Variants in FBXW5 observed in about 807,000 individuals in gnomAD.
FBXW5 encodes the protein F-box and WD repeat domain containing 5.
In FBXW5, 74 loss-of-function variants were observed where a neutral mutation model predicts 50.9. That is an observed-to-expected ratio of 1.45 (90% CI 1.20 to 1.76). The LOEUF is 1.76. FBXW5 is among the 40% of genes most tolerant of loss of function. FBXW5 has a pLI of 0.00. For missense variants in FBXW5, 1,073 were observed against 818.8 expected, an observed-to-expected ratio of 1.31 and a Z score of -3.79; for synonymous variants, 523 against 362.2, an observed-to-expected ratio of 1.44 and a Z score of -5.04.
At chr9:136,944,261 G>A (rs1275631514) in intron 1 of FBXW5, 155 bp from the exon 2 acceptor site, 3 of 851,850 alleles carry the variant, frequency 3.5e-6, no homozygotes, top group Non-Finnish European at 5.0e-6. Context: ...CCAAGGACCC[G>A]GCAGCTCCGG....
chr9:136,944,284 G>GGCCCC, intron 1 of FBXW5, 178 bp from the exon 2 acceptor site: 1 of 729,960 alleles, frequency 1.4e-6, no homozygotes. Context: ...GGGCCGGGCC[G>GGCCCC]GCCCCTCTCC....
rs1850964010 is a variant in FBXW5, at chr9:136,944,616, G to GCCGCCC, written c.-52_-47dup. The GCCGCCC allele has an allele frequency of 1.0e-6, 1 of 984,228 alleles. No individual in the cohort carries two copies. Among genetic ancestry groups the GCCGCCC allele is most frequent in the South Asian group, 4.5e-5 (1 of 22,004 alleles). 61.0% of individuals were successfully genotyped at this position (984,228 alleles called of 1,614,324 possible). On this transcript the variant is annotated 5_prime_UTR_variant, in exon 1 of 9. Coordinates refer to ENST00000325285, the MANE Select transcript of FBXW5 (RefSeq NM_018998.4). ...CACCACGGCCGCCTCCGCCCGCTGC[G>GCCGCCC]CCGCCCCCGCCCTGCGCGACCCGGA...
intron 3 of FBXW5, 52 bp from the exon 4 acceptor site, chr9:136,942,995 GGCCT>G: frequency 6.2e-7 from 1 of 1,608,158 alleles, no homozygotes; most frequent in Non-Finnish European, 8.5e-7. Flanking sequence ...GCGGGGCGGG[GGCCT>G]GCTACTACAC....
rs570708813 is a variant in FBXW5, at chr9:136,943,261, C to G, written c.351+88G>C. On this transcript the variant is annotated intron_variant, in intron 3 of 8. Transcript: ENST00000325285. ...CTGGCCTGACCCACCCCCCCCCCCA[C>G]CACCACCTGGTTGGAACGCCTGGGT... The G allele has an allele frequency of 2.2e-6, 3 of 1,362,974 alleles. No individual in the cohort carries two copies. The Admixed American group carries it at 5.8e-5, about 26-fold the overall frequency. The allele number at this position is 1,362,974 out of a possible 1,614,324, so 84.4% of individuals were successfully genotyped here.
Position 136,942,282 on chromosome 9 carries a change from T to C in FBXW5, c.860A>G (p.Glu287Gly), listed in dbSNP as rs1472044181. 1 of 1,586,104 alleles carries C rather than the reference T, an allele frequency of 6.3e-7. No homozygotes were observed. Among genetic ancestry groups the C allele is most frequent in the Non-Finnish European group, 8.6e-7 (1 of 1,167,078 alleles). Reference sequence around the variant, plus strand: ...GGGGGCCGGGCCAGCCACCACCTCCTCGTTGTCGCTGCCCAGGTCAAAGAT... The same window carrying C: ...GGGGGCCGGGCCAGCCACCACCTCCCCGTTGTCGCTGCCCAGGTCAAAGAT... ...CRIFDLGSDN[E>G]EVVAGPAPAH... The change falls in exon 6 of 9, where the codon GAG (glutamate) becomes GGG (glycine). Residue 287 changes from glutamate (E) to glycine (G), a missense_variant. Transcript: ENST00000325285.
chr9:136,940,833 C>CTA lies in FBXW5; in HGVS notation c.*93_*94dup, dbSNP rs1850721681. On this transcript the variant is annotated 3_prime_UTR_variant, in exon 9 of 9. Coordinates refer to ENST00000325285, the MANE Select transcript of FBXW5 (RefSeq NM_018998.4). ...TTGTCCCCTTCCTAAGGCGTAACTG[C>CTA]TATAAGCATCTCCACCTCTCCCGCT... 3 of 1,476,640 alleles carry CTA rather than the reference C, an allele frequency of 2.0e-6. No homozygotes were observed. Among genetic ancestry groups the CTA allele is most frequent in the Non-Finnish European group, 2.7e-6 (3 of 1,111,792 alleles). The allele number at this position is 1,476,640 out of a possible 1,614,324, so 91.5% of individuals were successfully genotyped here.
At chr9:136,941,506 A>G in intron 7 of FBXW5, 31 bp downstream of exon 7, 3 of 1,606,468 alleles carry the variant, frequency 1.9e-6, no homozygotes, top group Non-Finnish European at 1.7e-6. Context: ...GCCTGCGGGC[A>G]CCCCGCCTGG....
chr9:136,943,147 G>T, intron 3 of FBXW5: 7 of 1,031,730 alleles, frequency 6.8e-6, no homozygotes, highest in Non-Finnish European at 9.9e-6. Context: ...GCTGTGTGTG[G>T]GACCCTCTCC....
At chr9:136,943,139 T>G in intron 3 of FBXW5, 196 bp from the exon 4 acceptor site, 1 of 1,036,774 alleles carries the variant, frequency 9.6e-7, no homozygotes, top group Non-Finnish European at 1.4e-6. Flanking sequence ...AGCAGGCGGC[T>G]GTGTGTGGGA....
rs146243977 is a variant in FBXW5 at position 136,941,430 on chromosome 9, G to A, written c.1278C>T (p.Asn426=). ...GCATGGGGTCGGCCACCACCGCACC[G>A]TTGGGCCAGGCGCGGCTGTTCACGT... ...YLYVNSRAWP[N]GAVVADPMQP... is the part of the protein sequence containing the mutation. Residue 426 remains asparagine, a synonymous_variant, in exon 8 of 9, where the codon AAC becomes AAT. Coordinates refer to ENST00000325285, the MANE Select transcript of FBXW5 (RefSeq NM_018998.4). The A allele has an allele frequency of 9.4e-5, 152 of 1,609,226 alleles. No homozygotes were observed. In the African/African-American group the frequency reaches 1.7e-3, roughly 18 times the overall value.
chr9:136,944,001 G>T lies in FBXW5; in HGVS notation c.83C>A (p.Ala28Asp), dbSNP rs1218032350. Residue 28 changes from alanine to aspartate, a missense_variant, in exon 2 of 9, where the codon GCC becomes GAC. Physicochemically the swap from Ala to Asp is moderately radical, Grantham distance 126. Transcript: ENST00000325285. ...CCATTGGCGGCACACCAGCCCGGCG[G>T]CCAGCACGTCGGCCGGGCCCAGGCT... Reference protein sequence around the residue: ...FLSLGPADVLAAGLVCRQWQA... With the variant: ...FLSLGPADVLDAGLVCRQWQA... 3.8e-6 allele frequency: 6 copies of T among 1,594,506 alleles called. 1 individual carries two copies. The Admixed American group carries it at 1.0e-4, about 28-fold the overall frequency.
chr9:136,941,871 CGTTT>C, intron 6 of FBXW5, 171 bp downstream of exon 6: 1 of 1,435,676 alleles, frequency 7.0e-7, no homozygotes, highest in Non-Finnish European at 9.1e-7. Context: ...GCCCTGCCTG[CGTTT>C]GTTTTCACTG....
rs368227017 is a variant in FBXW5, at chr9:136,942,918, G to T, written c.377C>A (p.Ser126Ter). ...VKIWSNDLTI[S>*]LLHSADMRPY... ...CCGCATGTCCGCGCTGTGCAGCAGC[G>T]AGATGGTCAGGTCGTTGCTCCAGAT... is the stretch of plus-strand genomic sequence containing the variant. The change falls in exon 4 of 9, where the codon TCG (serine) becomes TAG (stop). Residue 126 changes from serine to a stop codon, truncating the protein, a stop_gained. Coordinates refer to ENST00000325285, the MANE Select transcript of FBXW5 (RefSeq NM_018998.4). LOFTEE classifies it high-confidence loss of function. 6.2e-7 allele frequency: 1 copy of T among 1,613,382 alleles called. No individual in the cohort carries two copies. The highest frequency in any genetic ancestry group is 1.7e-5 in the Admixed American group (1 of 60,012).
intron 3 of FBXW5, 24 bp from the exon 4 acceptor site, chr9:136,942,967 T>G (rs970558782): frequency 6.2e-7 from 1 of 1,611,822 alleles, no homozygotes; most frequent in Non-Finnish European, 8.5e-7. Context: ...GCGGCTGTAG[T>G]GATCGCCTGG....
rs1850877944 is a variant in FBXW5, at chr9:136,943,338, G to A, written c.351+11C>T. 3 of 1,596,028 alleles carry A rather than the reference G, an allele frequency of 1.9e-6. No individual in the cohort carries two copies. The highest frequency in any genetic ancestry group is 1.1e-5 in the South Asian group (1 of 90,784). ...CTGGGTGGGGTGTGCAGGACACCTG[G>A]CCGTCCTCACCTTCACAGTGCAGTC... On this transcript the variant is annotated intron_variant, in intron 3 of 8. Transcript: ENST00000325285.
chr9:136,943,997 G>A lies in FBXW5; in HGVS notation c.87C>T (p.Ala29=), dbSNP rs748573183. 3.8e-6 allele frequency: 6 copies of A among 1,592,414 alleles called. No individual in the cohort carries two copies. In the Admixed American group the frequency reaches 7.0e-5, roughly 18 times the overall value. Residue 29 remains alanine, a synonymous_variant, in exon 2 of 9, where the codon GCC becomes GCT. Transcript: ENST00000325285. Reference sequence around the variant, plus strand: ...CCTGCCATTGGCGGCACACCAGCCCGGCGGCCAGCACGTCGGCCGGGCCCA... The same window carrying A: ...CCTGCCATTGGCGGCACACCAGCCCAGCGGCCAGCACGTCGGCCGGGCCCA... ...LSLGPADVLA[A]GLVCRQWQAV... is the part of the protein sequence containing the mutation.
Position 136,943,346 on chromosome 9 carries a change from C to T in FBXW5, c.351+3G>A. 1.2e-6 allele frequency: 2 copies of T among 1,609,670 alleles called. No homozygotes were observed. The highest frequency in any genetic ancestry group is 1.7e-6 in the Non-Finnish European group (2 of 1,177,962). Reference sequence around the variant, plus strand: ...GGTGTGCAGGACACCTGGCCGTCCTCACCTTCACAGTGCAGTCCTTGGAGC... The same window carrying T: ...GGTGTGCAGGACACCTGGCCGTCCTTACCTTCACAGTGCAGTCCTTGGAGC... On this transcript the variant is annotated splice_donor_region_variant and intron_variant, in intron 3 of 8. Transcript: ENST00000325285.
At position 136,942,171 on chromosome 9, in the gene FBXW5, T is replaced by C; in HGVS notation, c.971A>G (p.Glu324Gly). Residue 324 changes from glutamate (E) to glycine (G), a missense_variant, in exon 6 of 9, where the codon GAG becomes GGG. Physicochemically the swap from Glu to Gly is moderately conservative, Grantham distance 98. Transcript: ENST00000325285. ...GGCCAGCAGCTCGGCCACCTTGGTCTCTAGCATGCGCTCCGACAGCTGTGG... is the reference window on the plus strand; with the variant it reads ...GGCCAGCAGCTCGGCCACCTTGGTCCCTAGCATGCGCTCCGACAGCTGTGG... Reference protein sequence around the residue: ...AQPQLSERMLETKVAELLAQG... With the variant: ...AQPQLSERMLGTKVAELLAQG... 6.2e-7 allele frequency: 1 copy of C among 1,600,134 alleles called. No individual in the cohort carries two copies. Among genetic ancestry groups the C allele is most frequent in the African/African-American group, 1.3e-5 (1 of 74,868 alleles).
Position 136,944,651 on chromosome 9 carries a change from G to C in FBXW5, c.-81C>G, listed in dbSNP as rs1054934389. The C allele has an allele frequency of 3.0e-6, 3 of 984,886 alleles. No homozygotes were observed. Among genetic ancestry groups the C allele is most frequent in the African/African-American group, 1.8e-5 (1 of 57,022 alleles). The allele number at this position is 984,886 out of a possible 1,614,324, so 61.0% of individuals were successfully genotyped here. ...CCCTGCGCGACCCGGACCCGCTTCC[G>C]CTGCCGCAGCCGCTCGGACCGCCGC... On this transcript the variant is annotated 5_prime_UTR_variant, in exon 1 of 9. Transcript: ENST00000325285.
Sources: allele counts gnomAD v4.1 joint callset, GRCh38; gene constraint gnomAD v4.1.1; transcripts MANE v1.5; gene names NCBI Gene and HGNC (gene_info 2026-07-23, HGNC 2026-07-21).